Variants in CDH5 observed in about 807,000 individuals in gnomAD.
The protein encoded by CDH5 is cadherin 5.
CDH5 carries 28 observed loss-of-function variants against 62.0 expected under a neutral mutation model. The observed-to-expected ratio is 0.45, with a 90% CI of 0.33 to 0.62. The LOEUF is 0.62. Among genes scored for constraint, CDH5 ranks in the 20% least tolerant of loss-of-function variants. The pLI is 0.02. For synonymous variants in CDH5, 464 were observed against 445.8 expected (o/e 1.04, Z -0.52); for missense variants, 940 against 1,065.1 (o/e 0.88, Z 1.63).
At chr16:66,387,334 G>T (rs1961004258) in intron 3 of CDH5, among the ~76,000 whole-genome samples, 1 of 152,202 alleles carries the variant, frequency 6.6e-6, no homozygotes, top group Non-Finnish European at 1.5e-5. Flanking sequence ...CCTAATCATG[G>T]ACTGAGCCCT....
intron 2 of CDH5, 43 bp downstream of exon 2, chr16:66,379,590 G>A (rs762630534): frequency 5.7e-6 from 9 of 1,568,210 alleles, no homozygotes; most frequent in Middle Eastern, 1.7e-4. Flanking sequence ...TCAGCAGCTG[G>A]CCCATAGTGA....
intron 7 of CDH5, chr16:66,395,846 G>T (rs925440339): frequency 4.2e-6 from 2 of 480,492 alleles, no homozygotes; most frequent in East Asian, 3.6e-5. Context: ...TCCAGTGATG[G>T]CAATGTAACT....
rs112348868 is a variant in CDH5, at chr16:66,400,895, C to T, written c.1716C>T (p.Thr572=). The change falls in exon 11 of 12, where the codon ACC becomes ACT. Residue 572 remains threonine, a synonymous_variant. Transcript: ENST00000341529. Reference sequence around the variant, plus strand: ...GTCGCACGGGCACCAGCACGCTGACCGTGGCCGTGTGCAAGTGCAACGAGC... The same window carrying T: ...GTCGCACGGGCACCAGCACGCTGACTGTGGCCGTGTGCAAGTGCAACGAGC... The part of the protein sequence containing the change: ...MPSRTGTSTL[T]VAVCKCNEQG... The T allele has an allele frequency of 1.3e-5, 21 of 1,614,062 alleles. No individual in the cohort carries two copies. Among genetic ancestry groups the T allele is most frequent in the Middle Eastern group, 3.3e-4 (2 of 6,084 alleles).
intron 8 of CDH5, 34 bp downstream of exon 8, chr16:66,396,235 C>A (rs1349990577): frequency 3.1e-6 from 5 of 1,612,472 alleles, no homozygotes; most frequent in South Asian, 1.1e-5. Flanking sequence ...CACCTGGATT[C>A]TTTTCCTTTT....
At chr16:66,375,829 C>T (rs1190778047) in intron 1 of CDH5, among the ~76,000 whole-genome samples, 3 of 151,212 alleles carry the variant, frequency 2.0e-5, no homozygotes, top group South Asian at 2.1e-4. Flanking sequence ...AAAAAGCCAC[C>T]GGCTACGGTG....
At chr16:66,379,980 TGA>T in intron 2 of CDH5, among the ~76,000 whole-genome samples, 1 of 39,852 alleles carries the variant, frequency 2.5e-5, no homozygotes, top group Non-Finnish European at 5.7e-5. Context: ...GTGTTGGTGG[TGA>T]TCACGGTGAT....
chr16:66,376,696 C>T (rs985016734), intron 1 of CDH5: 1 of 152,262 alleles, frequency 6.6e-6, no homozygotes, highest in Non-Finnish European at 1.5e-5. Flanking sequence ...GAAACGTCCG[C>T]TCTCCCAGAG....
intron 7 of CDH5, chr16:66,392,667 A>G: frequency 2.4e-6 from 1 of 413,224 alleles, no homozygotes; most frequent in African/African-American, 2.0e-5. Context: ...CACCAGTCCT[A>G]TGTGGTAAGA....
chr16:66,397,483 A>C (rs529222166), intron 8 of CDH5, among the ~76,000 whole-genome samples: 25 of 152,084 alleles, frequency 1.6e-4, no homozygotes, highest in Non-Finnish European at 3.4e-4. Flanking sequence ...AGGCCTTTCA[A>C]AGTATGAAAT....
At chr16:66,379,793 G>A (rs1960854962) in intron 2 of CDH5, among the ~76,000 whole-genome samples, 1 of 152,114 alleles carries the variant, frequency 6.6e-6, no homozygotes, top group African/African-American at 2.4e-5. Context: ...GGCCAAGGTG[G>A]TGGTGGGAGT....
At chr16:66,384,610 C>G (rs1311355628) in intron 2 of CDH5, among the ~76,000 whole-genome samples, 3 of 142,746 alleles carry the variant, frequency 2.1e-5, no homozygotes, top group Non-Finnish European at 3.0e-5. Context: ...AAAAATTAGC[C>G]GAGCTTGGTG....
chr16:66,388,379 C>A lies in CDH5; in HGVS notation c.555C>A (p.Asp185Glu). ...AVDADDPTVG[D>E]HASVMYQILK... Reference sequence around the variant, plus strand: ...ATGCAGACGACCCCACTGTGGGAGACCACGCCTCTGTCATGTACCAAATCC... The same window carrying A: ...ATGCAGACGACCCCACTGTGGGAGAACACGCCTCTGTCATGTACCAAATCC... Residue 185 changes from aspartate (D) to glutamate (E), a missense_variant, in exon 4 of 12, where the codon GAC becomes GAA. By Grantham distance (45) the Asp-to-Glu change is conservative (BLOSUM62 2). Coordinates refer to ENST00000341529, the MANE Select transcript of CDH5 (RefSeq NM_001795.5). The A allele has an allele frequency of 1.9e-6, 3 of 1,614,076 alleles. No homozygotes were observed. The highest frequency in any genetic ancestry group is 2.5e-6 in the Non-Finnish European group (3 of 1,179,902).
In CDH5 at chr16:66,404,354, A is replaced by C. The variant is rs1398894642; in HGVS notation, c.*1185A>C. ...TCCACTGGAACGTTTCACTGCAAAC[A>C]CACCTTGGAGAAGTGGCATCAGTCA... On this transcript the variant is annotated 3_prime_UTR_variant, in exon 12 of 12. Transcript: ENST00000341529. The C allele has an allele frequency of 6.5e-6, 1 of 152,722 alleles. No homozygotes were observed. Among genetic ancestry groups the C allele is most frequent in the Non-Finnish European group, 1.5e-5 (1 of 68,066 alleles). The allele number at this position is 152,722 out of a possible 1,614,324, so 9.5% of individuals were successfully genotyped here. A position where few individuals can be genotyped will look rare whatever the true frequency, so the allele number is the denominator to read the frequency against.
chr16:66,378,180 C>T (rs532805470), intron 1 of CDH5, among the ~76,000 whole-genome samples: 15 of 152,290 alleles, frequency 9.8e-5, no homozygotes, highest in African/African-American at 3.6e-4. Flanking sequence ...CTTCTGAAGA[C>T]AGAATCAAGG....
rs531766990 is a variant in CDH5 at position 66,374,179 on chromosome 16, G to A, written c.-19-5140G>A. Among the ~76,000 whole-genome samples the A allele has an allele frequency of 7.2e-5, 11 of 152,302 alleles. No individual in the cohort carries two copies. The South Asian group carries it at 1.9e-3, about 26-fold the overall frequency. On this transcript the variant is annotated intron_variant, in intron 1 of 11. Transcript: ENST00000341529. Reference sequence around the variant, plus strand: ...TGTTGCAAGGTTTAAATAAAATAACGTGTGCCTCGGGGGAGTGCTCAGGGA... The same window carrying A: ...TGTTGCAAGGTTTAAATAAAATAACATGTGCCTCGGGGGAGTGCTCAGGGA...
In CDH5 at chr16:66,388,335, A is replaced by G. The variant is rs115614538; in HGVS notation, c.511A>G (p.Ile171Val). The change falls in exon 4 of 12, where the codon ATC (isoleucine) becomes GTC (valine). Residue 171 changes from isoleucine to valine, a missense_variant. Coordinates refer to ENST00000341529, the MANE Select transcript of CDH5 (RefSeq NM_001795.5). ...PESSAVGTSV[I>V]SVTAVDADDP... Reference sequence around the variant, plus strand: ...TTCTCTCTCTGCAGGGACCTCAGTCATCTCTGTGACAGCAGTGGATGCAGA... The same window carrying G: ...TTCTCTCTCTGCAGGGACCTCAGTCGTCTCTGTGACAGCAGTGGATGCAGA... 6 of 1,612,244 alleles carry G rather than the reference A, an allele frequency of 3.7e-6. No homozygotes were observed. The South Asian group carries it at 5.5e-5, about 15-fold the overall frequency.
At chr16:66,399,144 G>T (rs1321947590) in intron 10 of CDH5, among the ~76,000 whole-genome samples, 5 of 152,176 alleles carry the variant, frequency 3.3e-5, no homozygotes, top group African/African-American at 1.2e-4. Flanking sequence ...TAAATCCCAA[G>T]GATCCAGTGA....
chr16:66,374,274 G>A (rs1960745523), intron 1 of CDH5, among the ~76,000 whole-genome samples: 1 of 152,176 alleles, frequency 6.6e-6, no homozygotes, highest in African/African-American at 2.4e-5. Flanking sequence ...CTCTGGCATG[G>A]GGGTGCAAAT....
intron 3 of CDH5, 28 bp downstream of exon 3, chr16:66,387,125 T>C: frequency 1.3e-6 from 2 of 1,589,042 alleles, no homozygotes; most frequent in Non-Finnish European, 8.6e-7. Flanking sequence ...TCTGTCCTCC[T>C]CCCTCCCTCA....
Sources: gnomAD v4.1 joint callset for allele counts (sites outside exome capture counted in the v4.1 genomes callset) on GRCh38, gnomAD v4.1.1 for gene constraint, MANE v1.5 for transcripts, NCBI Gene and HGNC (gene_info 2026-07-23, HGNC 2026-07-21) for gene names.